The following PPARGC1A variants were observed in gnomAD, a reference collection of about 807,000 sequenced individuals.
PPARGC1A encodes the protein peroxisome proliferator-activated receptor gamma coactivator 1-alpha.
Under a neutral mutation model 88.7 loss-of-function variants are expected in PPARGC1A, and 25 were observed. That is an observed-to-expected ratio of 0.28 (90% CI 0.21 to 0.39). The LOEUF (loss-of-function observed/expected upper bound fraction) is 0.39, where lower values mean the gene tolerates loss of function less well. PPARGC1A is among the 10% of genes least tolerant of loss of function. The probability of loss-of-function intolerance (pLI) is 1.00; values close to 1 mark genes in which losing one functional copy is unlikely to be tolerated. For synonymous variants in PPARGC1A, 363 were observed against 355.6 expected, an observed-to-expected ratio of 1.02 and a Z score of -0.24; for missense variants, 880 against 968.7, an observed-to-expected ratio of 0.91 and a Z score of 1.22.
chr4:23,924,621 C>G, the PPARGC1A span, among the ~76,000 whole-genome samples: 1 of 152,102 alleles, frequency 6.6e-6, no homozygotes, highest in African/African-American at 2.4e-5. Context: ...GACTCCATCT[C>G]GAAAAAACTT....
chr4:24,461,461 AAAAG>A, the PPARGC1A span, among the ~76,000 whole-genome samples: 4 of 152,216 alleles, frequency 2.6e-5, no homozygotes, highest in African/African-American at 9.6e-5. Context: ...TAGGAAGGGA[AAAAG>A]AGAGAGAAAG....
the PPARGC1A span, among the ~76,000 whole-genome samples, chr4:24,201,322 G>A: frequency 6.6e-6 from 1 of 152,298 alleles, no homozygotes; most frequent in Admixed American, 6.5e-5. Flanking sequence ...TGAGGACAAG[G>A]GGCCAAAAGT....
chr4:23,960,886 G>A, the PPARGC1A span, among the ~76,000 whole-genome samples: 1 of 152,056 alleles, frequency 6.6e-6, no homozygotes, highest in African/African-American at 2.4e-5. Context: ...CTATGTACAT[G>A]GTAAAACCAT....
the PPARGC1A span, among the ~76,000 whole-genome samples, chr4:24,225,479 G>A: frequency 2.0e-5 from 3 of 151,164 alleles, no homozygotes; most frequent in African/African-American, 7.3e-5. Flanking sequence ...TGAGGCAGGA[G>A]AATGGTGGCC....
chr4:23,879,139 G>A (rs1270100414), intron 2 of PPARGC1A, among the ~76,000 whole-genome samples: 2 of 152,156 alleles, frequency 1.3e-5, no homozygotes, highest in Non-Finnish European at 2.9e-5. Context: ...TAACAAAAAA[G>A]AATTTATTCT....
At chr4:24,344,666 T>G in the PPARGC1A span, among the ~76,000 whole-genome samples, 1 of 152,154 alleles carries the variant, frequency 6.6e-6, no homozygotes, top group African/African-American at 2.4e-5. Flanking sequence ...CTTTGTCAGA[T>G]GTATAGATTG....
chr4:23,945,045 T>C, the PPARGC1A span, among the ~76,000 whole-genome samples: 3 of 152,100 alleles, frequency 2.0e-5, no homozygotes, highest in Non-Finnish European at 4.4e-5. Flanking sequence ...AAAATAGTCA[T>C]TGCACATATC....
chr4:24,166,951 G>C, the PPARGC1A span, among the ~76,000 whole-genome samples: 1 of 152,192 alleles, frequency 6.6e-6, no homozygotes, highest in Non-Finnish European at 1.5e-5. Context: ...GGATCAAGGA[G>C]TAATTTCAAT....
upstream of PPARGC1A, among the ~76,000 whole-genome samples, chr4:23,901,231 G>A (rs574660675): frequency 2.0e-5 from 3 of 152,060 alleles, no homozygotes; most frequent in African/African-American, 4.8e-5. Context: ...TTAGCCAGGC[G>A]TGGTGGCAGG....
chr4:24,024,081 T>C, the PPARGC1A span, among the ~76,000 whole-genome samples: 1 of 152,162 alleles, frequency 6.6e-6, no homozygotes, highest in South Asian at 2.1e-4. Flanking sequence ...AACCCACATG[T>C]ACCAGGAAGA....
chr4:24,371,413 A>G, the PPARGC1A span, among the ~76,000 whole-genome samples: 1 of 152,128 alleles, frequency 6.6e-6, no homozygotes, highest in Admixed American at 6.6e-5. Flanking sequence ...TACACTTCCT[A>G]CAAAACAATC....
chr4:24,398,536 C>T, the PPARGC1A span, among the ~76,000 whole-genome samples: 1 of 152,024 alleles, frequency 6.6e-6, no homozygotes, highest in African/African-American at 2.4e-5. Flanking sequence ...TTTCAGTTCT[C>T]TTCTTTCATT....
At chr4:24,304,734 C>G in the PPARGC1A span, among the ~76,000 whole-genome samples, 1 of 152,062 alleles carries the variant, frequency 6.6e-6, no homozygotes, top group Non-Finnish European at 1.5e-5. Flanking sequence ...AAAAGTATAC[C>G]AAAACAACAG....
At chr4:23,952,448 C>T in the PPARGC1A span, among the ~76,000 whole-genome samples, 1 of 152,040 alleles carries the variant, frequency 6.6e-6, no homozygotes, top group African/African-American at 2.4e-5. Flanking sequence ...TCACTTCCTC[C>T]CTGCTCCTGG....
At chr4:24,244,629 A>G in the PPARGC1A span, among the ~76,000 whole-genome samples, 1 of 152,204 alleles carries the variant, frequency 6.6e-6, no homozygotes, top group Non-Finnish European at 1.5e-5. Flanking sequence ...AAGCTGTCAC[A>G]CTAAATCAAC....
chr4:24,449,178 C>T, the PPARGC1A span, among the ~76,000 whole-genome samples: 1 of 152,104 alleles, frequency 6.6e-6, no homozygotes. Context: ...TCAACGACCC[C>T]AATTTTCTAG....
At chr4:23,963,083 T>C in the PPARGC1A span, among the ~76,000 whole-genome samples, 1 of 152,164 alleles carries the variant, frequency 6.6e-6, no homozygotes, top group African/African-American at 2.4e-5. Context: ...GCCATCTATC[T>C]GCAAAGTGAC....
At chr4:24,211,593 A>G in the PPARGC1A span, among the ~76,000 whole-genome samples, 2 of 152,168 alleles carry the variant, frequency 1.3e-5, no homozygotes, top group South Asian at 4.1e-4. Context: ...ACCTTGATTC[A>G]GAATCTGATA....
the PPARGC1A span, among the ~76,000 whole-genome samples, chr4:24,363,130 C>G: frequency 1.3e-5 from 2 of 152,124 alleles, no homozygotes; most frequent in African/African-American, 4.8e-5. Context: ...ACAATGTGAC[C>G]TTCAGTGAAT....
Sources: allele counts gnomAD v4.1 joint callset (sites outside exome capture counted in the v4.1 genomes callset), GRCh38; gene constraint gnomAD v4.1.1; transcripts MANE v1.5; gene names NCBI Gene and HGNC (gene_info 2026-07-23, HGNC 2026-07-21).